NR6A1: variants seen among roughly 807,000 people sequenced by gnomAD.
NR6A1 encodes the protein retinoic acid receptor-related testis-associated receptor.
In NR6A1, 7 loss-of-function variants were observed where a neutral mutation model predicts 59.1. The ratio of observed to expected loss-of-function variants is 0.12; its 90% confidence interval spans 0.07 to 0.22. NR6A1 has a LOEUF of 0.22. Ranked by LOEUF, NR6A1 falls within the 10% of genes least tolerant of loss-of-function variation. The pLI is 1.00. For missense variants in NR6A1, 468 were observed against 611.6 expected, an observed-to-expected ratio of 0.77 and a Z score of 2.48; for synonymous variants, 243 against 236.1, an observed-to-expected ratio of 1.03 and a Z score of -0.27.
At chr9:124,592,152 G>A (rs989433001) in intron 2 of NR6A1, among the ~76,000 whole-genome samples, 3 of 152,144 alleles carry the variant, frequency 2.0e-5, no homozygotes, top group Admixed American at 2.0e-4. Context: ...AAACATGATT[G>A]CAGCGATGTT....
At chr9:124,685,662 G>C (rs996567924) in intron 2 of NR6A1, among the ~76,000 whole-genome samples, 3 of 152,124 alleles carry the variant, frequency 2.0e-5, no homozygotes, top group African/African-American at 7.2e-5. Flanking sequence ...AGCAGGTTTG[G>C]AAACCATGAG....
At chr9:124,606,455 A>T (rs1564198951) in intron 2 of NR6A1, among the ~76,000 whole-genome samples, 1 of 147,618 alleles carries the variant, frequency 6.8e-6, no homozygotes, top group African/African-American at 2.5e-5. Flanking sequence ...CTGATGGATT[A>T]AAAAAAAAAG....
At chr9:124,619,451 T>C (rs769929578) in intron 2 of NR6A1, among the ~76,000 whole-genome samples, 10 of 152,138 alleles carry the variant, frequency 6.6e-5, no homozygotes, top group South Asian at 2.1e-4. Flanking sequence ...TCTGTAGAGA[T>C]AGTGTTTCAC....
rs140254889 is a variant in NR6A1, at chr9:124,723,737, A to G, written c.142+9571T>C. On this transcript the variant is annotated intron_variant, in intron 2 of 9. Transcript: ENST00000487099. ...CACTATTCCAAACTTTAAATATATT[A>G]CATTCACTTAATCCTCACAGCAACC... 5.5e-3 allele frequency among the ~76,000 whole-genome samples: 840 copies of G among 152,362 alleles called. 7 individuals are homozygous for G. The highest frequency in any genetic ancestry group is 0.019 in the African/African-American group (798 of 41,572).
intron 2 of NR6A1, among the ~76,000 whole-genome samples, chr9:124,625,772 A>G (rs1353795784): frequency 1.3e-5 from 2 of 152,148 alleles, no homozygotes; most frequent in Non-Finnish European, 2.9e-5. Flanking sequence ...ACTCTGAGTA[A>G]AGCAGATTGC....
rs527835574 is a variant in NR6A1, at chr9:124,685,463, G to A, written c.142+47845C>T. Among the ~76,000 whole-genome samples the A allele has an allele frequency of 3.9e-5, 6 of 152,332 alleles. No homozygotes were observed. In the East Asian group the frequency reaches 1.2e-3, roughly 29 times the overall value. ...GCCACCTCAGCCTCCTATGTAGCTAGAACTACTGGCAGACATCACAATGCC... is the reference window on the plus strand; with the variant it reads ...GCCACCTCAGCCTCCTATGTAGCTAAAACTACTGGCAGACATCACAATGCC... On this transcript the variant is annotated intron_variant, in intron 2 of 9. Coordinates refer to ENST00000487099, the MANE Select transcript of NR6A1 (RefSeq NM_033334.4).
intron 2 of NR6A1, among the ~76,000 whole-genome samples, chr9:124,668,619 T>A (rs2130961196): frequency 6.6e-6 from 1 of 152,338 alleles, no homozygotes; most frequent in Non-Finnish European, 1.5e-5. Context: ...ATGGAATCCA[T>A]TCTCAACACC....
intron 1 of NR6A1, among the ~76,000 whole-genome samples, chr9:124,749,929 G>T (rs914656826): frequency 3.9e-5 from 6 of 152,222 alleles, no homozygotes; most frequent in Non-Finnish European, 5.9e-5. Context: ...TCCAGAGTAA[G>T]AGATGATTAT....
At chr9:124,716,295 A>G (rs1459313701) in intron 2 of NR6A1, among the ~76,000 whole-genome samples, 1 of 152,244 alleles carries the variant, frequency 6.6e-6, no homozygotes, top group Non-Finnish European at 1.5e-5. Flanking sequence ...TTCCTACCTC[A>G]TAATACAGAA....
At chr9:124,749,364 C>A (rs1438948999) in intron 1 of NR6A1, among the ~76,000 whole-genome samples, 1 of 151,870 alleles carries the variant, frequency 6.6e-6, no homozygotes, top group Non-Finnish European at 1.5e-5. Flanking sequence ...AAAATCTAAA[C>A]CACTTTGCAG....
At chr9:124,540,278 T>C in intron 4 of NR6A1, 91 bp from the exon 5 acceptor site, 1 of 1,388,164 alleles carries the variant, frequency 7.2e-7, no homozygotes, top group East Asian at 2.4e-5. Flanking sequence ...TCATAGGATT[T>C]CCCAGAAACC....
At chr9:124,574,755 T>G (rs1254291144) in intron 2 of NR6A1, among the ~76,000 whole-genome samples, 1 of 152,194 alleles carries the variant, frequency 6.6e-6, no homozygotes, top group Non-Finnish European at 1.5e-5. Context: ...AATATCATGC[T>G]CAGAATCTAC....
chr9:124,677,286 T>C (rs1158997763), intron 2 of NR6A1, among the ~76,000 whole-genome samples: 1 of 152,048 alleles, frequency 6.6e-6, no homozygotes. Context: ...GGAGACAGAG[T>C]CTCACTTTGT....
At chr9:124,573,203 C>T (rs1258237958) in intron 2 of NR6A1, among the ~76,000 whole-genome samples, 2 of 152,278 alleles carry the variant, frequency 1.3e-5, no homozygotes, top group African/African-American at 2.4e-5. Context: ...GGGCAAAGTA[C>T]GAAGCCCTCA....
chr9:124,579,575 T>C (rs1327832365), intron 2 of NR6A1, among the ~76,000 whole-genome samples: 1 of 151,530 alleles, frequency 6.6e-6, no homozygotes, highest in African/African-American at 2.4e-5. Flanking sequence ...TAAAACTACA[T>C]GTTAGAATGG....
intron 1 of NR6A1, among the ~76,000 whole-genome samples, chr9:124,737,534 T>A (rs1167188475): frequency 6.6e-6 from 1 of 152,226 alleles, no homozygotes; most frequent in Non-Finnish European, 1.5e-5. Flanking sequence ...TTTATTCAAT[T>A]AGATTCAACT....
intron 1 of NR6A1, among the ~76,000 whole-genome samples, chr9:124,750,620 C>T (rs1203678670): frequency 1.3e-5 from 2 of 151,792 alleles, no homozygotes; most frequent in East Asian, 1.9e-4. Context: ...ATTAGCCGGG[C>T]GTGGTGGTGG....
intron 2 of NR6A1, among the ~76,000 whole-genome samples, chr9:124,618,308 C>A (rs1457929648): frequency 6.6e-6 from 1 of 151,996 alleles, no homozygotes; most frequent in African/African-American, 2.4e-5. Context: ...ATAATGAAAC[C>A]CCATCTCTAC....
intron 2 of NR6A1, among the ~76,000 whole-genome samples, chr9:124,641,189 T>TA (rs1045156459): frequency 4.0e-5 from 6 of 150,448 alleles, no homozygotes; most frequent in African/African-American, 1.5e-4. Flanking sequence ...CTGTCTCTAC[T>TA]AAAAAATAAA....
Sources: allele counts gnomAD v4.1 joint callset (sites outside exome capture counted in the v4.1 genomes callset), GRCh38; gene constraint gnomAD v4.1.1; transcripts MANE v1.5; gene names NCBI Gene and HGNC (gene_info 2026-07-23, HGNC 2026-07-21).